PPP1R12A: variants seen among roughly 807,000 people sequenced by gnomAD.
PPP1R12A encodes the protein myosin binding subunit.
PPP1R12A carries 19 observed loss-of-function variants against 139.6 expected under a neutral mutation model. The ratio of observed to expected loss-of-function variants is 0.14; its 90% CI spans 0.09 to 0.20. PPP1R12A has a LOEUF of 0.20. PPP1R12A is among the 10% of genes least tolerant of loss of function. PPP1R12A has a pLI of 1.00. For synonymous variants in PPP1R12A, 427 were observed against 420.6 expected (o/e 1.02, Z -0.19); for missense variants, 925 against 1,211.5 (o/e 0.76, Z 3.51).
chr12:79,905,339 G>GCA (rs541801676), intron 1 of PPP1R12A, among the ~76,000 whole-genome samples: 1 of 106,048 alleles, frequency 9.4e-6, no homozygotes, highest in Non-Finnish European at 2.0e-5. Context: ...TTGTTTTGCC[G>GCA]CCCCCCCCCA....
chr12:79,930,018 G>A (rs950985011), intron 1 of PPP1R12A, among the ~76,000 whole-genome samples: 1 of 152,130 alleles, frequency 6.6e-6, no homozygotes, highest in Non-Finnish European at 1.5e-5. Context: ...GCTAGGCTCT[G>A]GAAATACAAA....
At chr12:79,797,545 T>C in intron 15 of PPP1R12A, 150 bp from the exon 16 acceptor site, 1 of 719,892 alleles carries the variant, frequency 1.4e-6, no homozygotes, top group Non-Finnish European at 2.2e-6. Flanking sequence ...GCAAGTTACA[T>C]TCATTCTATG....
At chr12:79,877,852 C>T (rs938867225) in intron 1 of PPP1R12A, among the ~76,000 whole-genome samples, 4 of 152,190 alleles carry the variant, frequency 2.6e-5, no homozygotes, top group Admixed American at 2.0e-4. Flanking sequence ...TTTTTCTCAA[C>T]CTCTTTTAAA....
In PPP1R12A at chr12:79,775,911, T is replaced by C. The variant is rs1565731771; in HGVS notation, c.*18A>G. On this transcript the variant is annotated 3_prime_UTR_variant, in exon 25 of 25. Transcript: ENST00000450142. Reference sequence around the variant, plus strand: ...TTACTAATATGTGCAATTCCATTACTTGCTGCTTTTTTTTTTTTTATTTGG... The same window carrying C: ...TTACTAATATGTGCAATTCCATTACCTGCTGCTTTTTTTTTTTTTATTTGG... The C allele has an allele frequency of 1.3e-6, 2 of 1,518,470 alleles. No homozygotes were observed. The highest frequency in any genetic ancestry group is 1.8e-6 in the Non-Finnish European group (2 of 1,121,042). The allele number at this position is 1,518,470 out of a possible 1,614,324, so 94.1% of individuals were successfully genotyped here.
chr12:79,797,468 A>T, intron 15 of PPP1R12A, 73 bp from the exon 16 acceptor site: 1 of 1,346,082 alleles, frequency 7.4e-7, no homozygotes, highest in Non-Finnish European at 1.0e-6. Flanking sequence ...TTAGAAATAG[A>T]TATATTACAT....
chr12:79,852,356 A>G (rs1880153580), intron 2 of PPP1R12A, among the ~76,000 whole-genome samples: 1 of 151,380 alleles, frequency 6.6e-6, no homozygotes, highest in Admixed American at 6.6e-5. Flanking sequence ...ACGCCTGGCT[A>G]ATTTTTTTTT....
chr12:79,863,652 A>G (rs1303282809), intron 2 of PPP1R12A, among the ~76,000 whole-genome samples: 2 of 145,682 alleles, frequency 1.4e-5, no homozygotes, highest in Non-Finnish European at 3.0e-5. Flanking sequence ...AGCAAAAAAA[A>G]AAAAAAAAAA....
intron 4 of PPP1R12A, among the ~76,000 whole-genome samples, chr12:79,831,264 T>C (rs1367938947): frequency 6.6e-6 from 1 of 152,056 alleles, no homozygotes; most frequent in Non-Finnish European, 1.5e-5. Flanking sequence ...GAAAAAGGCC[T>C]AAATTATTGA....
intron 14 of PPP1R12A, among the ~76,000 whole-genome samples, chr12:79,804,806 C>A (rs555283230): frequency 1.3e-4 from 19 of 151,982 alleles, no homozygotes; most frequent in African/African-American, 4.3e-4. Context: ...ACTTTTCCTG[C>A]AATCTTGGGG....
intron 1 of PPP1R12A, among the ~76,000 whole-genome samples, chr12:79,879,328 C>T (rs1467351283): frequency 6.6e-6 from 1 of 152,038 alleles, no homozygotes; most frequent in Non-Finnish European, 1.5e-5. Flanking sequence ...GATCACGCTA[C>T]TGAGCTCCAA....
At position 79,870,200 on chromosome 12, in the gene PPP1R12A, G is replaced by A. The variant is rs189423543; in HGVS notation, c.368+2608C>T. Reference sequence around the variant, plus strand: ...TGCAACCTCTGCCTCCCAGGCTCAAGCAATTCTCCTGCCTTAGCCTCCAGA... The same window carrying A: ...TGCAACCTCTGCCTCCCAGGCTCAAACAATTCTCCTGCCTTAGCCTCCAGA... On this transcript the variant is annotated intron_variant, in intron 2 of 24. Transcript: ENST00000450142. Among the ~76,000 whole-genome samples the A allele has an allele frequency of 5.2e-3, 786 of 152,242 alleles. 5 individuals carry two copies. Among genetic ancestry groups the A allele is most frequent in the African/African-American group, 0.018 (746 of 41,534 alleles).
At chr12:79,844,272 T>C (rs1211528515) in intron 3 of PPP1R12A, among the ~76,000 whole-genome samples, 1 of 152,182 alleles carries the variant, frequency 6.6e-6, no homozygotes, top group Non-Finnish European at 1.5e-5. Flanking sequence ...GACTCGCATA[T>C]TCAACAGTTT....
rs569971090 is a variant in PPP1R12A, at chr12:79,886,539, G to A, written c.238-13601C>T. Among the ~76,000 whole-genome samples, 7 of 152,180 alleles carry A rather than the reference G, an allele frequency of 4.6e-5. No homozygotes were observed. In the South Asian group the frequency reaches 1.0e-3, roughly 23 times the overall value. ...AAACATACACAATGGCTAGACCATA[G>A]GGAACTCTTCATTTGGACAAACAAA... On this transcript the variant is annotated intron_variant, in intron 1 of 24. Coordinates refer to ENST00000450142, the MANE Select transcript of PPP1R12A (RefSeq NM_002480.3).
intron 6 of PPP1R12A, among the ~76,000 whole-genome samples, chr12:79,821,560 C>A (rs1408098836): frequency 3.3e-5 from 5 of 152,058 alleles, no homozygotes; most frequent in African/African-American, 1.2e-4. Context: ...CAAGACCAGC[C>A]TGGGCAACAT....
chr12:79,865,762 C>T (rs1237570161), intron 2 of PPP1R12A, among the ~76,000 whole-genome samples: 3 of 151,918 alleles, frequency 2.0e-5, no homozygotes, highest in South Asian at 2.1e-4. Flanking sequence ...AACTTATAAG[C>T]GATGTGAAGG....
At chr12:79,915,203 C>T (rs2136925741) in intron 1 of PPP1R12A, among the ~76,000 whole-genome samples, 1 of 152,200 alleles carries the variant, frequency 6.6e-6, no homozygotes, top group Admixed American at 6.5e-5. Context: ...CATTTTAAGA[C>T]TCCAATTACT....
chr12:79,843,811 C>A (rs1194415762), intron 3 of PPP1R12A, among the ~76,000 whole-genome samples: 1 of 151,438 alleles, frequency 6.6e-6, no homozygotes, highest in African/African-American at 2.4e-5. Flanking sequence ...TCAAGCAATT[C>A]TCCTGCCCTC....
chr12:79,851,932 T>C (rs1880090904), intron 2 of PPP1R12A, among the ~76,000 whole-genome samples: 2 of 152,220 alleles, frequency 1.3e-5, no homozygotes, highest in Non-Finnish European at 2.9e-5. Context: ...AAGTTTTTAA[T>C]TTAGTTACTG....
rs989064904 is a variant in PPP1R12A at position 79,794,788 on chromosome 12, A to C, written c.2583+850T>G. Among the ~76,000 whole-genome samples the C allele has an allele frequency of 1.4e-4, 22 of 152,178 alleles. 1 individual carries two copies. The highest frequency in any genetic ancestry group is 1.2e-3 in the Admixed American group (18 of 15,272). ...AGAATAGTTAGAAATTTTCTTTAAA[A>C]AATATTTTTATAACAATAGAAGTAA... On this transcript the variant is annotated intron_variant, in intron 18 of 24. Coordinates refer to ENST00000450142, the MANE Select transcript of PPP1R12A (RefSeq NM_002480.3).
Sources: allele counts gnomAD v4.1 joint callset (sites outside exome capture counted in the v4.1 genomes callset), GRCh38; gene constraint gnomAD v4.1.1; transcripts MANE v1.5; gene names NCBI Gene and HGNC (gene_info 2026-07-23, HGNC 2026-07-21).